The following APOBEC4 variants were observed in gnomAD, a reference collection of about 807,000 sequenced individuals.
The protein encoded by APOBEC4 is putative deaminase APOBEC-4.
For synonymous variants in APOBEC4, 141 were observed against 154.2 expected (o/e 0.91, Z 0.63); for missense variants, 375 against 441.2 (o/e 0.85, Z 1.34).
In APOBEC4 at chr1:183,653,129, T is replaced by A. The variant is rs1650889819; in HGVS notation, c.-88A>T. ...CAGGTGTTAGAAGAGATGGTCCATTTCCTTTTTTTTCTCCTTTAAGTCCCA... is the reference window on the plus strand; with the variant it reads ...CAGGTGTTAGAAGAGATGGTCCATTACCTTTTTTTTCTCCTTTAAGTCCCA... On this transcript the variant is annotated 5_prime_UTR_variant, in exon 1 of 2. Transcript: ENST00000308641. The A allele has an allele frequency of 2.6e-5, 4 of 151,982 alleles. No individual in the cohort carries two copies. 9.4% of individuals were successfully genotyped at this position (151,982 alleles called of 1,614,324 possible).
At position 183,647,329 on chromosome 1, in the gene APOBEC4, G is replaced by A; in HGVS notation, c.*349C>T. On this transcript the variant is annotated 3_prime_UTR_variant, in exon 2 of 2. Coordinates refer to ENST00000308641, the MANE Select transcript of APOBEC4 (RefSeq NM_203454.3). The stretch of plus-strand genomic sequence containing the variant: ...AAATTTTTTACCGAAACAAATTTAG[G>A]TAGCTATTTTGTCCATGGGCTTTTG... The A allele has an allele frequency of 6.0e-6, 1 of 166,002 alleles. No homozygotes were observed. The highest frequency in any genetic ancestry group is 2.9e-3 in the Middle Eastern group (1 of 346). The allele number at this position is 166,002 out of a possible 1,614,324, so 10.3% of individuals were successfully genotyped here. A position where few individuals can be genotyped will look rare whatever the true frequency, so the allele number is the denominator to read the frequency against.
Position 183,646,363 on chromosome 1 carries a change from T to C in APOBEC4, c.*1315A>G, listed in dbSNP as rs1310962188. The C allele has an allele frequency of 1.3e-5, 2 of 152,072 alleles. No homozygotes were observed. The highest frequency in any genetic ancestry group is 2.9e-5 in the Non-Finnish European group (2 of 68,008). The allele number at this position is 152,072 out of a possible 1,614,324, so 9.4% of individuals were successfully genotyped here. On this transcript the variant is annotated 3_prime_UTR_variant, in exon 2 of 2. Transcript: ENST00000308641. Reference sequence around the variant, plus strand: ...TGTTTTTCTTTCTCCTCCTCCCTTATGGAGTATTAAATGTTTTAATGTCAT... The same window carrying C: ...TGTTTTTCTTTCTCCTCCTCCCTTACGGAGTATTAAATGTTTTAATGTCAT...
In APOBEC4 at chr1:183,646,477, C is replaced by T. The variant is rs1650301517; in HGVS notation, c.*1201G>A. 2.0e-5 allele frequency: 3 copies of T among 151,908 alleles called. No homozygotes were observed. 9.4% of individuals were successfully genotyped at this position (151,908 alleles called of 1,614,324 possible). ...AAGTTACGAGAAAATGTACATTTTT[C>T]TTGTAATGTATCTTTACATATTTCA... is the stretch of plus-strand genomic sequence containing the variant. On this transcript the variant is annotated 3_prime_UTR_variant, in exon 2 of 2. Transcript: ENST00000308641.
intron 1 of APOBEC4, among the ~76,000 whole-genome samples, chr1:183,652,641 T>C (rs1650848534): frequency 6.6e-6 from 1 of 152,252 alleles, no homozygotes; most frequent in African/African-American, 2.4e-5. Context: ...GCCCAGGACC[T>C]ACCTTAGCAA....
Position 183,648,802 on chromosome 1 carries a change from A to G in APOBEC4, c.-21T>C. 1 of 1,547,612 alleles carries G rather than the reference A, an allele frequency of 6.5e-7. No individual in the cohort carries two copies. The highest frequency in any genetic ancestry group is 8.7e-7 in the Non-Finnish European group (1 of 1,145,580). The stretch of plus-strand genomic sequence containing the variant: ...TCCATTGCTAGATTTACTGTCTTCT[A>G]GCTGCAAACCTAAACAAGGAAGAGA... On this transcript the variant is annotated 5_prime_UTR_variant, in exon 2 of 2. An upstream open reading frame in the 5' UTR loses its in-frame stop. Transcript: ENST00000308641.
rs1208383017 is a variant in APOBEC4, at chr1:183,647,670, TGTA to T, written c.*5_*7del. The T allele has an allele frequency of 6.3e-7, 1 of 1,586,538 alleles. No homozygotes were observed. Among genetic ancestry groups the T allele is most frequent in the Non-Finnish European group, 8.6e-7 (1 of 1,164,074 alleles). ...GGTAATTGGTTTCATGCTGTAGGAA[TGTA>T]GATTTTATTTCTTCCCTTTCTTCTT... On this transcript the variant is annotated 3_prime_UTR_variant, in exon 2 of 2. Coordinates refer to ENST00000308641, the MANE Select transcript of APOBEC4 (RefSeq NM_203454.3).
At position 183,652,725 on chromosome 1, in the gene APOBEC4, C is replaced by T. The variant is rs571062457; in HGVS notation, c.-31+347G>A. Among the ~76,000 whole-genome samples the T allele has an allele frequency of 5.9e-5, 9 of 152,310 alleles. No homozygotes were observed. In the East Asian group the frequency reaches 1.7e-3, roughly 29 times the overall value. ...GCTGGTGTCCCTACTTCCTGCCTAGCCCTTTTCCTTTTGCTTTGTCTGTGC... is the reference window on the plus strand; with the variant it reads ...GCTGGTGTCCCTACTTCCTGCCTAGTCCTTTTCCTTTTGCTTTGTCTGTGC... On this transcript the variant is annotated intron_variant, in intron 1 of 1. Coordinates refer to ENST00000308641, the MANE Select transcript of APOBEC4 (RefSeq NM_203454.3).
chr1:183,650,744 A>T (rs1229592697), intron 1 of APOBEC4, among the ~76,000 whole-genome samples: 1 of 149,558 alleles, frequency 6.7e-6, no homozygotes, highest in Non-Finnish European at 1.5e-5. Context: ...ACTAGAAATC[A>T]TAGTATTAGG....
Position 183,648,794 on chromosome 1 carries a change from T to G in APOBEC4, c.-13A>C. 2 of 1,565,018 alleles carry G rather than the reference T, an allele frequency of 1.3e-6. No homozygotes were observed. Among genetic ancestry groups the G allele is most frequent in the Non-Finnish European group, 1.7e-6 (2 of 1,155,350 alleles). ...ATATGGGCTCCATTGCTAGATTTAC[T>G]GTCTTCTAGCTGCAAACCTAAACAA... On this transcript the variant is annotated 5_prime_UTR_variant, in exon 2 of 2. Transcript: ENST00000308641.
rs747679735 is a variant in APOBEC4, at chr1:183,648,341, G to T, written c.441C>A (p.Gly147=). Residue 147 remains glycine (G), a synonymous_variant, in exon 2 of 2, where the codon GGC becomes GGA. Coordinates refer to ENST00000308641, the MANE Select transcript of APOBEC4 (RefSeq NM_203454.3). ...GAGAAAAATAAATACTAAGAGTGAT[G>T]CCTGGATACGTAATCAGGAAATTAT... ...KMYNFLITYP[G]ITLSIYFSQL... 1.4e-5 allele frequency: 23 copies of T among 1,614,232 alleles called. No homozygotes were observed. Among genetic ancestry groups the T allele is most frequent in the Non-Finnish European group, 1.9e-5 (22 of 1,180,044 alleles).
chr1:183,651,584 T>G (rs1477023170), intron 1 of APOBEC4, among the ~76,000 whole-genome samples: 2 of 152,196 alleles, frequency 1.3e-5, no homozygotes, highest in African/African-American at 4.8e-5. Context: ...CATGTCACCA[T>G]TATCTTAGTG....
Position 183,648,562 on chromosome 1 carries a change from A to T in APOBEC4, c.220T>A (p.Ser74Thr). Residue 74 changes from serine to threonine, a missense_variant, in exon 2 of 2, where the codon TCT (serine) becomes ACT (threonine). By Grantham distance (58) the Ser-to-Thr change is moderately conservative. Transcript: ENST00000308641. ...CCCTTTTGCACCAGGCTACCAGAAG[A>T]AGTTTTTAGTTCATAAAATGTGAGG... Reference protein sequence around the residue: ...KHLTFYELKTSSGSLVQKGHA... With the variant: ...KHLTFYELKTTSGSLVQKGHA... 1.2e-6 allele frequency: 2 copies of T among 1,614,212 alleles called. No homozygotes were observed. The highest frequency in any genetic ancestry group is 2.7e-5 in the African/African-American group (2 of 75,060).
rs934741507 is a variant in APOBEC4 at position 183,650,460 on chromosome 1, G to A, written c.-30-1649C>T. Among the ~76,000 whole-genome samples, 5 of 151,966 alleles carry A rather than the reference G, an allele frequency of 3.3e-5. No homozygotes were observed. The East Asian group carries it at 5.8e-4, about 18-fold the overall frequency. On this transcript the variant is annotated intron_variant, in intron 1 of 1. Coordinates refer to ENST00000308641, the MANE Select transcript of APOBEC4 (RefSeq NM_203454.3). ...CGGGAGGCTGAGGCAGGAGAATAGCGTGAACCCAGGAGGCAGAGCTTGCAG... is the reference window on the plus strand; with the variant it reads ...CGGGAGGCTGAGGCAGGAGAATAGCATGAACCCAGGAGGCAGAGCTTGCAG...
At chr1:183,650,566 T>C (rs1650668670) in intron 1 of APOBEC4, among the ~76,000 whole-genome samples, 1 of 152,044 alleles carries the variant, frequency 6.6e-6, no homozygotes, top group Non-Finnish European at 1.5e-5. Context: ...AAAAACACAA[T>C]ATTCATGGCT....
At position 183,648,571 on chromosome 1, in the gene APOBEC4, G is replaced by T. The variant is rs370657788; in HGVS notation, c.211C>A (p.Leu71Ile). The change falls in exon 2 of 2, where the codon CTA (leucine) becomes ATA (isoleucine). Residue 71 changes from leucine to isoleucine, a missense_variant. Physicochemically the swap from Leu to Ile is conservative, Grantham distance 5 (BLOSUM62 2). Coordinates refer to ENST00000308641, the MANE Select transcript of APOBEC4 (RefSeq NM_203454.3). ...ACCAGGCTACCAGAAGAAGTTTTTA[G>T]TTCATAAAATGTGAGGTGTTTTGTT... Reference protein sequence around the residue: ...PQTKHLTFYELKTSSGSLVQK... With the variant: ...PQTKHLTFYEIKTSSGSLVQK... 3.1e-6 allele frequency: 5 copies of T among 1,614,156 alleles called. No homozygotes were observed. Among genetic ancestry groups the T allele is most frequent in the Non-Finnish European group, 4.2e-6 (5 of 1,180,026 alleles).
chr1:183,652,821 C>T (rs115692733), intron 1 of APOBEC4, among the ~76,000 whole-genome samples: 1,979 of 152,048 alleles, frequency 0.013, 52 homozygotes, highest in African/African-American at 0.046. Context: ...TAGAGCCCAG[C>T]GTGCTGGAGG....
In APOBEC4 at chr1:183,648,573, T is replaced by G. The variant is rs1296609156; in HGVS notation, c.209A>C (p.Glu70Ala). ...CAGGCTACCAGAAGAAGTTTTTAGT[T>G]CATAAAATGTGAGGTGTTTTGTTTG... The part of the protein sequence containing the change: ...FPQTKHLTFY[E>A]LKTSSGSLVQ... Residue 70 changes from glutamate to alanine, a missense_variant, in exon 2 of 2, where the codon GAA (glutamate) becomes GCA (alanine). Physicochemically the swap from Glu to Ala is moderately radical, Grantham distance 107. Coordinates refer to ENST00000308641, the MANE Select transcript of APOBEC4 (RefSeq NM_203454.3). The G allele has an allele frequency of 6.2e-7, 1 of 1,614,198 alleles. No homozygotes were observed. The highest frequency in any genetic ancestry group is 2.2e-5 in the East Asian group (1 of 44,882).
At position 183,647,873 on chromosome 1, in the gene APOBEC4, T is replaced by C. The variant is rs1650415602; in HGVS notation, c.909A>G (p.Pro303=). Residue 303 remains proline (P), a synonymous_variant, in exon 2 of 2, where the codon CCA becomes CCG. Coordinates refer to ENST00000308641, the MANE Select transcript of APOBEC4 (RefSeq NM_203454.3). The part of the protein sequence containing the change: ...FVLVPLRDLP[P]MHMGQNPNKP... ...TATTTGGGTTTTGGCCCATATGCAT[T>C]GGTGGTAAGTCCCTGAGAGGCACTA... 6.2e-7 allele frequency: 1 copy of C among 1,614,150 alleles called. No homozygotes were observed. The highest frequency in any genetic ancestry group is 8.5e-7 in the Non-Finnish European group (1 of 1,180,018).
At position 183,647,890 on chromosome 1, in the gene APOBEC4, G is replaced by A. The variant is rs1650417103; in HGVS notation, c.892C>T (p.Leu298Phe). ...RAPVVFVLVPLRDLPPMHMGQ... is the reference protein window; with the variant it reads ...RAPVVFVLVPFRDLPPMHMGQ... ...ATATGCATTGGTGGTAAGTCCCTGA[G>A]AGGCACTAGCACAAAAACAACAGGA... The change falls in exon 2 of 2, where the codon CTC (leucine) becomes TTC (phenylalanine). Residue 298 changes from leucine (L) to phenylalanine (F), a missense_variant. Transcript: ENST00000308641. 6.2e-7 allele frequency: 1 copy of A among 1,614,074 alleles called. No homozygotes were observed. The highest frequency in any genetic ancestry group is 8.5e-7 in the Non-Finnish European group (1 of 1,180,048).
Sources: gnomAD v4.1 joint callset for allele counts (sites outside exome capture counted in the v4.1 genomes callset) on GRCh38, gnomAD v4.1.1 for gene constraint, MANE v1.5 for transcripts, NCBI Gene and HGNC (gene_info 2026-07-23, HGNC 2026-07-21) for gene names.